The following ZDHHC5 variants were observed in gnomAD, a reference collection of about 807,000 sequenced individuals.
ZDHHC5 encodes the protein palmitoyltransferase ZDHHC5.
ZDHHC5 carries 22 observed loss-of-function variants against 70.0 expected under a neutral mutation model. The ratio of observed to expected loss-of-function variants is 0.31; its 90% confidence interval spans 0.22 to 0.45. ZDHHC5 has a LOEUF of 0.45. ZDHHC5 is among the 20% of genes least tolerant of loss of function. ZDHHC5 has a pLI of 1.00. For missense variants in ZDHHC5, 746 were observed against 926.9 expected (o/e 0.80, Z 2.53); for synonymous variants, 313 against 347.8 (o/e 0.90, Z 1.11).
chr11:57,689,896 A>G (rs954330269), intron 4 of ZDHHC5, 135 bp from the exon 5 acceptor site: 9 of 1,227,808 alleles, frequency 7.3e-6, no homozygotes, highest in Non-Finnish European at 1.0e-5. Flanking sequence ...TTATAGAGCA[A>G]AATAAACTGG....
chr11:57,690,131 G>A lies in ZDHHC5; in HGVS notation c.485G>A (p.Gly162Asp), dbSNP rs540403908. Residue 162 changes from glycine (G) to aspartate (D), a missense_variant, in exon 5 of 12, where the codon GGT becomes GAT. By Grantham distance (94) the Gly-to-Asp change is moderately conservative. Around this residue, in one of 6 missense-constraint regions of ZDHHC5, gnomAD observed 114 missense variants for 179.3 expected, o/e 0.64. Coordinates refer to ENST00000287169, the MANE Select transcript of ZDHHC5 (RefSeq NM_015457.3). ...FLLSLTAHIM[G>D]VFGFGLLYVL... Reference sequence around the variant, plus strand: ...CTTTCCCTGACAGCCCACATTATGGGTGTGTTTGGCTTTGGCCTCCTTTAT... The same window carrying A: ...CTTTCCCTGACAGCCCACATTATGGATGTGTTTGGCTTTGGCCTCCTTTAT... 2 of 1,613,990 alleles carry A rather than the reference G, an allele frequency of 1.2e-6. No individual in the cohort carries two copies. Among genetic ancestry groups the A allele is most frequent in the Admixed American group, 1.7e-5 (1 of 59,968 alleles).
At chr11:57,695,108 C>T (rs1946332757) in intron 8 of ZDHHC5, among the ~76,000 whole-genome samples, 1 of 152,090 alleles carries the variant, frequency 6.6e-6, no homozygotes, top group African/African-American at 2.4e-5. Context: ...ATTAAAAATA[C>T]AAAATTAGCT....
chr11:57,687,010 T>G (rs1318869980), intron 3 of ZDHHC5, among the ~76,000 whole-genome samples: 2 of 151,978 alleles, frequency 1.3e-5, no homozygotes, highest in East Asian at 3.9e-4. Flanking sequence ...TTTATATTTT[T>G]TGTAGAGATG....
chr11:57,674,521 T>G (rs921541424), intron 2 of ZDHHC5, among the ~76,000 whole-genome samples: 1 of 152,146 alleles, frequency 6.6e-6, no homozygotes, highest in Non-Finnish European at 1.5e-5. Context: ...AACCTAGTTG[T>G]GAAGTGTTAT....
intron 1 of ZDHHC5, chr11:57,668,580 C>T (rs1945957295): frequency 6.6e-6 from 1 of 152,342 alleles, no homozygotes; most frequent in African/African-American, 2.4e-5. Flanking sequence ...CAGCGGTCGT[C>T]AGCCCTGCCC....
In ZDHHC5 at chr11:57,692,695, G is replaced by C. The variant is rs762191819; in HGVS notation, c.745G>C (p.Ala249Pro). 1.2e-6 allele frequency: 2 copies of C among 1,614,080 alleles called. No homozygotes were observed. The highest frequency in any genetic ancestry group is 2.2e-5 in the South Asian group (2 of 91,078). The change falls in exon 7 of 12, where the codon GCA becomes CCA. Residue 249 changes from alanine to proline, a missense_variant. By Grantham distance (27) the Ala-to-Pro change is conservative. Around this residue, in one of 6 missense-constraint regions of ZDHHC5, gnomAD observed 114 missense variants for 179.3 expected, o/e 0.64. Coordinates refer to ENST00000287169, the MANE Select transcript of ZDHHC5 (RefSeq NM_015457.3). Reference sequence around the variant, plus strand: ...CAGCCGTGTTCTCTGCAGTTCTCCAGCACCCAGGTACACCTATCCCTCTGG... The same window carrying C: ...CAGCCGTGTTCTCTGCAGTTCTCCACCACCCAGGTACACCTATCCCTCTGG... ...NVSRVLCSSP[A>P]PRYLGRPKKE...
At chr11:57,675,752 C>T (rs1946063888) in intron 2 of ZDHHC5, among the ~76,000 whole-genome samples, 2 of 152,232 alleles carry the variant, frequency 1.3e-5, no homozygotes. Flanking sequence ...CTCCATCTGA[C>T]TAGAGTATTT....
chr11:57,669,623 A>G (rs1303773270), intron 1 of ZDHHC5, among the ~76,000 whole-genome samples: 1 of 151,994 alleles, frequency 6.6e-6, no homozygotes, highest in East Asian at 1.9e-4. Flanking sequence ...CGCCCTGCTC[A>G]TTTGTTTGTA....
At chr11:57,698,212 A>G (rs1339818275) in intron 10 of ZDHHC5, among the ~76,000 whole-genome samples, 1 of 152,076 alleles carries the variant, frequency 6.6e-6, no homozygotes, top group African/African-American at 2.4e-5. Context: ...AGAAGAAAGG[A>G]CATTTCACTA....
In ZDHHC5 at chr11:57,698,595, A is replaced by G. The variant is rs1385277819; in HGVS notation, c.1159A>G (p.Ile387Val). The G allele has an allele frequency of 6.2e-7, 1 of 1,612,764 alleles. No individual in the cohort carries two copies. The highest frequency in any genetic ancestry group is 1.3e-5 in the African/African-American group (1 of 75,008). Residue 387 changes from isoleucine to valine, a missense_variant, in exon 11 of 12, where the codon ATT becomes GTT. By Grantham distance (29) the Ile-to-Val change is conservative. Around this residue, in one of 6 missense-constraint regions of ZDHHC5, gnomAD observed 179 missense variants for 178.4 expected, o/e 1.00. Coordinates refer to ENST00000287169, the MANE Select transcript of ZDHHC5 (RefSeq NM_015457.3). Reference protein sequence around the residue: ...RGDSLKEPTSIAESSRHPSYR... With the variant: ...RGDSLKEPTSVAESSRHPSYR... ...GGACAGCTTGAAGGAGCCAACCTCAATTGCAGAGAGCAGCCGTCACCCCAG... is the reference window on the plus strand; with the variant it reads ...GGACAGCTTGAAGGAGCCAACCTCAGTTGCAGAGAGCAGCCGTCACCCCAG...
chr11:57,694,967 T>C (rs1417205305), intron 8 of ZDHHC5, among the ~76,000 whole-genome samples: 2 of 151,908 alleles, frequency 1.3e-5, no homozygotes, highest in African/African-American at 4.8e-5. Flanking sequence ...AAATAAAAAA[T>C]AGAAAAATTT....
chr11:57,676,015 A>G (rs1946067390), intron 2 of ZDHHC5, among the ~76,000 whole-genome samples: 1 of 152,182 alleles, frequency 6.6e-6, no homozygotes, highest in Non-Finnish European at 1.5e-5. Flanking sequence ...TAGCTACATT[A>G]TTAGAAGCCC....
chr11:57,672,869 A>G lies in ZDHHC5; in HGVS notation c.-222A>G, dbSNP rs1946024051. On this transcript the variant is annotated 5_prime_UTR_variant, in exon 2 of 12. Transcript: ENST00000287169. ...CCTTGTTCTGGGGAGGTGGTTATTC[A>G]TCATTTGGAATCACCTTTCCCCCTC... 6.0e-6 allele frequency: 3 copies of G among 497,454 alleles called. No individual in the cohort carries two copies. The Admixed American group carries it at 1.0e-4, about 17-fold the overall frequency. The allele number at this position is 497,454 out of a possible 1,614,324, so 30.8% of individuals were successfully genotyped here. A position where few individuals can be genotyped will look rare whatever the true frequency, so the allele number is the denominator to read the frequency against.
intron 6 of ZDHHC5, 37 bp downstream of exon 6, chr11:57,690,474 GGTCAT>G (rs1321350508): frequency 6.2e-7 from 1 of 1,603,824 alleles, no homozygotes; most frequent in Admixed American, 1.7e-5. Flanking sequence ...CTGAAGAGCA[GGTCAT>G]GTCTCTTTAG....
intron 8 of ZDHHC5, 76 bp from the exon 9 acceptor site, chr11:57,695,844 T>C (rs1372491567): frequency 1.3e-6 from 2 of 1,541,910 alleles, no homozygotes; most frequent in Non-Finnish European, 1.7e-6. Context: ...TACCTCCCTC[T>C]TATATCAATT....
At chr11:57,677,638 G>A (rs1412875677) in intron 2 of ZDHHC5, among the ~76,000 whole-genome samples, 2 of 152,140 alleles carry the variant, frequency 1.3e-5, no homozygotes, top group African/African-American at 4.8e-5. Flanking sequence ...GGAAATCCAT[G>A]ATGGTCTTTT....
rs576068941 is a variant in ZDHHC5 at position 57,675,540 on chromosome 11, ATTAT to A, written c.104+2348_104+2351del. On this transcript the variant is annotated intron_variant, in intron 2 of 11. Transcript: ENST00000287169. ...GAGGACAATATTGACCTTATTTGGAATTATTGCCTCTCATCCAAAGTTAGAAGAA... is the reference window on the plus strand; with the variant it reads ...GAGGACAATATTGACCTTATTTGGAATGCCTCTCATCCAAAGTTAGAAGAA... 9.1e-4 allele frequency among the ~76,000 whole-genome samples: 138 copies of A among 152,292 alleles called. 1 individual carries two copies. The highest frequency in any genetic ancestry group is 3.0e-3 in the African/African-American group (126 of 41,566).
chr11:57,679,782 T>C (rs1946124842), intron 2 of ZDHHC5, among the ~76,000 whole-genome samples: 1 of 151,968 alleles, frequency 6.6e-6, no homozygotes, highest in Non-Finnish European at 1.5e-5. Context: ...TCAAGCAGAA[T>C]TTGGGATATG....
chr11:57,695,845 T>C, intron 8 of ZDHHC5, 75 bp from the exon 9 acceptor site: 1 of 1,544,480 alleles, frequency 6.5e-7, no homozygotes. Context: ...ACCTCCCTCT[T>C]ATATCAATTT....
Sources: allele counts gnomAD v4.1 joint callset (sites outside exome capture counted in the v4.1 genomes callset), GRCh38; gene constraint gnomAD v4.1.1; regional missense constraint gnomAD v4.1.1; transcripts MANE v1.5; gene names NCBI Gene and HGNC (gene_info 2026-07-23, HGNC 2026-07-21).